The following PPFIA2 variants were observed in gnomAD, a reference collection of about 807,000 sequenced individuals.
The protein encoded by PPFIA2 is liprin-alpha-2.
Under a neutral mutation model 175.5 loss-of-function variants are expected in PPFIA2, and 46 were observed. The observed-to-expected ratio is 0.26, with a 90% CI of 0.21 to 0.34. PPFIA2 has a LOEUF of 0.34. PPFIA2 is among the 10% of genes least tolerant of loss of function. PPFIA2 has a pLI of 1.00. For synonymous variants in PPFIA2, 568 were observed against 511.4 expected, an observed-to-expected ratio of 1.11 and a Z score of -1.49; for missense variants, 1,179 against 1,506.1, an observed-to-expected ratio of 0.78 and a Z score of 3.60.
intron 4 of PPFIA2, among the ~76,000 whole-genome samples, chr12:81,479,045 G>T (rs2057855111): frequency 1.3e-5 from 2 of 152,082 alleles, no homozygotes; most frequent in African/African-American, 4.8e-5. Flanking sequence ...TTACTGTGTG[G>T]GAGTCTAAGT....
intron 4 of PPFIA2, among the ~76,000 whole-genome samples, chr12:81,556,801 T>C (rs1383928514): frequency 6.6e-6 from 1 of 152,078 alleles, no homozygotes; most frequent in East Asian, 1.9e-4. Context: ...GGATCCTTAT[T>C]ACTGAAATTC....
chr12:81,588,337 C>G (rs2075573735), intron 4 of PPFIA2, among the ~76,000 whole-genome samples: 1 of 151,888 alleles, frequency 6.6e-6, no homozygotes, highest in Admixed American at 6.6e-5. Context: ...ACAAAGTAAA[C>G]CAAGCACACA....
At chr12:81,659,184 G>A (rs1382325964) in intron 4 of PPFIA2, among the ~76,000 whole-genome samples, 2 of 152,086 alleles carry the variant, frequency 1.3e-5, no homozygotes, top group African/African-American at 2.4e-5. Flanking sequence ...GAGGTACTGG[G>A]TTCATCTCAC....
intron 28 of PPFIA2, among the ~76,000 whole-genome samples, chr12:81,268,669 G>A (rs1473087275): frequency 1.3e-5 from 2 of 152,170 alleles, no homozygotes; most frequent in African/African-American, 4.8e-5. Context: ...CGATGTCTGT[G>A]TTTCTTGTTT....
chr12:81,566,212 T>C lies in PPFIA2; in HGVS notation c.304-108346A>G, dbSNP rs115452208. Among the ~76,000 whole-genome samples, 446 of 152,242 alleles carry C rather than the reference T, an allele frequency of 2.9e-3. 3 individuals carry two copies. The highest frequency in any genetic ancestry group is 0.01 in the African/African-American group (425 of 41,554). On this transcript the variant is annotated intron_variant, in intron 4 of 32. Transcript: ENST00000549396. ...AAATGACCTGCCCTGCCATAAGGGC[T>C]TTGTCTTATGAAAAGTACATGTACG...
intron 4 of PPFIA2, among the ~76,000 whole-genome samples, chr12:81,580,950 T>A (rs1238409324): frequency 6.6e-6 from 1 of 151,820 alleles, no homozygotes; most frequent in Non-Finnish European, 1.5e-5. Context: ...ATTATTATAA[T>A]TGAGGTAAGC....
chr12:81,443,785 C>G (rs1176463677), intron 6 of PPFIA2, among the ~76,000 whole-genome samples: 2 of 143,266 alleles, frequency 1.4e-5, no homozygotes. Context: ...CTTAGAGTAT[C>G]TTTCTCTGCT....
At chr12:81,568,456 C>T (rs949020255) in intron 4 of PPFIA2, among the ~76,000 whole-genome samples, 1 of 152,170 alleles carries the variant, frequency 6.6e-6, no homozygotes, top group Non-Finnish European at 1.5e-5. Flanking sequence ...CTTAGCTAAG[C>T]CCCTAGCTCT....
chr12:81,723,895 T>C (rs906624783), intron 3 of PPFIA2, among the ~76,000 whole-genome samples: 8 of 150,988 alleles, frequency 5.3e-5, no homozygotes, highest in Non-Finnish European at 1.0e-4. Flanking sequence ...AAATAAATTG[T>C]AAATGGTATT....
intron 4 of PPFIA2, among the ~76,000 whole-genome samples, chr12:81,563,200 T>C (rs1343649610): frequency 6.6e-6 from 1 of 152,162 alleles, no homozygotes; most frequent in Non-Finnish European, 1.5e-5. Flanking sequence ...GTCTTTTATC[T>C]CCTCTGGTTT....
chr12:81,683,581 T>A (rs1442621610), intron 3 of PPFIA2, among the ~76,000 whole-genome samples: 2 of 152,054 alleles, frequency 1.3e-5, no homozygotes, highest in African/African-American at 4.8e-5. Context: ...TCTCTCTGAC[T>A]ATATCTTTTG....
chr12:81,545,608 G>C (rs376468980), intron 4 of PPFIA2: 2 of 153,090 alleles, frequency 1.3e-5, no homozygotes, highest in East Asian at 1.9e-4. Context: ...TTGCACCATG[G>C]CTAGAATTCT....
intron 4 of PPFIA2, among the ~76,000 whole-genome samples, chr12:81,661,962 C>T (rs570848062): frequency 7.9e-5 from 12 of 152,182 alleles, no homozygotes; most frequent in South Asian, 4.1e-4. Flanking sequence ...GGGTATATAA[C>T]GAAATGAAGG....
At chr12:81,693,102 T>A (rs1200017545) in intron 3 of PPFIA2, among the ~76,000 whole-genome samples, 3 of 152,100 alleles carry the variant, frequency 2.0e-5, no homozygotes, top group Non-Finnish European at 4.4e-5. Context: ...AAAATATCTA[T>A]CCAACTCATT....
At chr12:81,682,942 A>T (rs2073893815) in intron 3 of PPFIA2, among the ~76,000 whole-genome samples, 1 of 151,874 alleles carries the variant, frequency 6.6e-6, no homozygotes, top group African/African-American at 2.4e-5. Context: ...GCTTTCATTT[A>T]TTTTCACCCG....
chr12:81,726,130 A>G (rs2080041831), intron 3 of PPFIA2, among the ~76,000 whole-genome samples: 1 of 151,174 alleles, frequency 6.6e-6, no homozygotes, highest in South Asian at 2.1e-4. Context: ...CTCTACTGAT[A>G]TCCTATAACA....
At chr12:81,697,396 C>G (rs116296389) in intron 3 of PPFIA2, among the ~76,000 whole-genome samples, 2,308 of 152,024 alleles carry the variant, frequency 0.015, 30 homozygotes, top group South Asian at 0.042. Flanking sequence ...TTTGCAATAA[C>G]TATCAGCTCA....
chr12:81,658,262 C>T (rs11114965), intron 4 of PPFIA2, among the ~76,000 whole-genome samples: 3,526 of 128,214 alleles, frequency 0.028, 69 homozygotes, highest in Non-Finnish European at 0.044. Flanking sequence ...GAGCAAAACT[C>T]CATCTCAAAA....
chr12:81,276,891 CA>C (rs199537974), intron 28 of PPFIA2, among the ~76,000 whole-genome samples: 2,082 of 151,952 alleles, frequency 0.014, 17 homozygotes, highest in Non-Finnish European at 0.021. Context: ...TACAGTGTTA[CA>C]AAAATAAAAT....
Sources: gnomAD v4.1 joint callset for allele counts (sites outside exome capture counted in the v4.1 genomes callset) on GRCh38, gnomAD v4.1.1 for gene constraint, MANE v1.5 for transcripts, NCBI Gene and HGNC (gene_info 2026-07-23, HGNC 2026-07-21) for gene names.